The following NIBAN2 variants were observed in gnomAD, a reference collection of about 807,000 sequenced individuals.
NIBAN2 encodes niban apoptosis regulator 2.
NIBAN2 carries 36 observed loss-of-function variants against 81.8 expected under a neutral mutation model. The observed-to-expected ratio is 0.44, with a 90% CI of 0.34 to 0.58. NIBAN2 has a LOEUF of 0.58. Ranked by LOEUF, NIBAN2 falls within the 20% of genes least tolerant of loss-of-function variation. The probability of loss-of-function intolerance (pLI) is 0.02; values close to 1 mark genes in which losing one functional copy is unlikely to be tolerated. For synonymous variants in NIBAN2, 445 were observed against 441.6 expected (o/e 1.01, Z -0.10); for missense variants, 897 against 1,014.1 (o/e 0.88, Z 1.57).
chr9:127,546,830 A>T (rs1212770555), intron 1 of NIBAN2, among the ~76,000 whole-genome samples: 2 of 151,878 alleles, frequency 1.3e-5, no homozygotes, highest in Non-Finnish European at 2.9e-5. Context: ...TGTCAACAAA[A>T]ACTACAATTA....
rs759764034 is a variant in NIBAN2 at position 127,507,018 on chromosome 9, C to T, written c.2068G>A (p.Ala690Thr). The T allele has an allele frequency of 3.8e-6, 6 of 1,592,168 alleles. No individual in the cohort carries two copies. The Admixed American group carries it at 1.0e-4, about 27-fold the overall frequency. ...ESPQPKAAPEASSPPASPLQH... is the reference protein window; with the variant it reads ...ESPQPKAAPETSSPPASPLQH... ...AGGGGTGAGGCAGGCGGCGAGGAGGCCTCGGGGGCGGCCTTAGGCTGGGGA... is the reference window on the plus strand; with the variant it reads ...AGGGGTGAGGCAGGCGGCGAGGAGGTCTCGGGGGCGGCCTTAGGCTGGGGA... Residue 690 changes from alanine to threonine, a missense_variant, in exon 14 of 14, where the codon GCC (alanine) becomes ACC (threonine). Ala to Thr is a moderately conservative substitution (Grantham distance 58). Around this residue, in one of 3 missense-constraint regions of NIBAN2, gnomAD observed 619 missense variants for 691.0 expected, o/e 0.90. Transcript: ENST00000373312. The surrounding 1 kb of genome is among the most constrained non-coding windows in gnomAD (Gnocchi z 6.8).
intron 1 of NIBAN2, among the ~76,000 whole-genome samples, chr9:127,578,388 G>A (rs571330396): frequency 6.3e-5 from 9 of 143,406 alleles, no homozygotes; most frequent in African/African-American, 7.8e-5. Flanking sequence ...GTGGCCAGGC[G>A]CCATGGCTTA....
chr9:127,522,885 C>CCACCCAG (rs1046669804), intron 5 of NIBAN2, among the ~76,000 whole-genome samples: 11 of 151,976 alleles, frequency 7.2e-5, no homozygotes, highest in Non-Finnish European at 1.3e-4. Context: ...CAGGTTGGCT[C>CCACCCAG]CACCCAGCAC....
At chr9:127,522,878 G>A (rs1327888695) in intron 5 of NIBAN2, among the ~76,000 whole-genome samples, 5 of 151,832 alleles carry the variant, frequency 3.3e-5, no homozygotes, top group African/African-American at 1.2e-4. Context: ...AGGCTCCCAG[G>A]TTGGCTCCAC....
intron 1 of NIBAN2, among the ~76,000 whole-genome samples, chr9:127,553,424 G>C (rs943308990): frequency 1.3e-5 from 2 of 152,210 alleles, no homozygotes; most frequent in South Asian, 4.1e-4. Flanking sequence ...TCCCTGGCTG[G>C]GGACTGAACC....
chr9:127,508,564 A>C lies in NIBAN2; in HGVS notation c.1318-26T>G, dbSNP rs1395826816. 3 of 1,589,932 alleles carry C rather than the reference A, an allele frequency of 1.9e-6. No homozygotes were observed. Among genetic ancestry groups the C allele is most frequent in the Non-Finnish European group, 2.6e-6 (3 of 1,159,358 alleles). On this transcript the variant is annotated intron_variant, in intron 10 of 13. Coordinates refer to ENST00000373312, the MANE Select transcript of NIBAN2 (RefSeq NM_022833.4). This position sits in a 1 kb window ranked among gnomAD's most constrained non-coding sequence, Gnocchi z 6.4. Reference sequence around the variant, plus strand: ...CTGCAGGGCATACCGCGGACATGTGAAGCCCCCAGGGTGACCACAGCCCCT... The same window carrying C: ...CTGCAGGGCATACCGCGGACATGTGCAGCCCCCAGGGTGACCACAGCCCCT...
At chr9:127,542,109 C>T (rs574449388) in intron 1 of NIBAN2, among the ~76,000 whole-genome samples, 3 of 152,334 alleles carry the variant, frequency 2.0e-5, no homozygotes, top group East Asian at 1.9e-4. Context: ...AGTTGCCCAA[C>T]GTTTCCTGGC....
rs1240379005 is a variant in NIBAN2, at chr9:127,545,893, T to TGGCAGCGGCCCCAGCCC, written c.56-14132_56-14116dup. Among the ~76,000 whole-genome samples, 1 of 151,636 alleles carries TGGCAGCGGCCCCAGCCC rather than the reference T, an allele frequency of 6.6e-6. No individual in the cohort carries two copies. Among genetic ancestry groups the TGGCAGCGGCCCCAGCCC allele is most frequent in the Non-Finnish European group, 1.5e-5 (1 of 67,890 alleles). On this transcript the variant is annotated intron_variant, in intron 1 of 13. Coordinates refer to ENST00000373312, the MANE Select transcript of NIBAN2 (RefSeq NM_022833.4). The surrounding 1 kb of genome is among the most constrained non-coding windows in gnomAD (Gnocchi z 4.7). ...CCTCCTGCCCCCCACCCCGCCTGCCTGGCAGCGGCCCCAGCCCACAGCCCA... is the reference window on the plus strand; with the variant it reads ...CCTCCTGCCCCCCACCCCGCCTGCCTGGCAGCGGCCCCAGCCCGGCAGCGGCCCCAGCCCACAGCCCA...
At chr9:127,548,788 C>G (rs754708935) in intron 1 of NIBAN2, among the ~76,000 whole-genome samples, 2 of 152,156 alleles carry the variant, frequency 1.3e-5, no homozygotes, top group African/African-American at 4.8e-5. Context: ...GTTCCTCTCC[C>G]CAAACCTTAG....
At chr9:127,569,132 C>T, upstream of NIBAN2, 1 of 966,440 alleles carries the variant, frequency 1.0e-6, no homozygotes, top group Non-Finnish European at 1.2e-6. Context: ...CACCAGACCA[C>T]GCCCCCGCAG....
chr9:127,514,339 G>T (rs1554765337), intron 8 of NIBAN2, among the ~76,000 whole-genome samples: 1 of 151,806 alleles, frequency 6.6e-6, no homozygotes, highest in Non-Finnish European at 1.5e-5. Flanking sequence ...ATGCTTGAGG[G>T]GATAGATACC....
Position 127,531,908 on chromosome 9 carries a change from C to A in NIBAN2, c.56-130G>T. 6 of 1,213,800 alleles carry A rather than the reference C, an allele frequency of 4.9e-6. No individual in the cohort carries two copies. In the Middle Eastern group the frequency reaches 8.0e-4, roughly 161 times the overall value. The allele number at this position is 1,213,800 out of a possible 1,614,324, so 75.2% of individuals were successfully genotyped here. A position where few individuals can be genotyped will look rare whatever the true frequency, so the allele number is the denominator to read the frequency against. On this transcript the variant is annotated intron_variant, in intron 1 of 13. Transcript: ENST00000373312. ...TGGAATTGTTTGCACAGGCTCCTCG[C>A]GCTCATCTGCGCTGCATTTCTGGCC... is the stretch of plus-strand genomic sequence containing the variant.
At position 127,559,330 on chromosome 9, in the gene NIBAN2, A is replaced by G. The variant is rs534046907; in HGVS notation, c.55+9490T>C. On this transcript the variant is annotated intron_variant, in intron 1 of 13. Transcript: ENST00000373312. This position sits in a 1 kb window ranked among gnomAD's most constrained non-coding sequence, Gnocchi z 4.0. ...CTGCTCTGTGCCTTCAGTGCAGCCT[A>G]AGGCCCACAGGTTCCTAAGGGGTCA... Among the ~76,000 whole-genome samples, 2 of 152,308 alleles carry G rather than the reference A, an allele frequency of 1.3e-5. No individual in the cohort carries two copies. Among genetic ancestry groups the G allele is most frequent in the South Asian group, 2.1e-4 (1 of 4,818 alleles).
chr9:127,546,360 C>T (rs1288380020), intron 1 of NIBAN2, among the ~76,000 whole-genome samples: 1 of 152,168 alleles, frequency 6.6e-6, no homozygotes, highest in African/African-American at 2.4e-5. Flanking sequence ...ACGTCCAGGG[C>T]CGAGGCTGGA....
chr9:127,519,907 G>A (rs1373399901), intron 5 of NIBAN2, among the ~76,000 whole-genome samples: 1 of 152,224 alleles, frequency 6.6e-6, no homozygotes, highest in Non-Finnish European at 1.5e-5. Context: ...TGCGTTACCT[G>A]CAGGCACTCC....
Position 127,507,720 on chromosome 9 carries a change from C to T in NIBAN2, c.1654+147G>A. The T allele has an allele frequency of 1.3e-6, 1 of 762,154 alleles. No homozygotes were observed. 47.2% of individuals were successfully genotyped at this position (762,154 alleles called of 1,614,324 possible). A position where few individuals can be genotyped will look rare whatever the true frequency, so the allele number is the denominator to read the frequency against. On this transcript the variant is annotated intron_variant, in intron 13 of 13. Transcript: ENST00000373312. This position sits in a 1 kb window ranked among gnomAD's most constrained non-coding sequence, Gnocchi z 6.8. Reference sequence around the variant, plus strand: ...AAGGCTAAGGCTGCTCCGGAGGCCACACAGCGAAGAGTGGGCTTCACCCAG... The same window carrying T: ...AAGGCTAAGGCTGCTCCGGAGGCCATACAGCGAAGAGTGGGCTTCACCCAG...
intron 1 of NIBAN2, among the ~76,000 whole-genome samples, chr9:127,555,539 C>T (rs758017486): frequency 2.6e-5 from 4 of 152,176 alleles, no homozygotes; most frequent in South Asian, 2.1e-4. Flanking sequence ...TAGTGGGGAG[C>T]GGCAGCTCAC....
chr9:127,523,223 AT>A, intron 5 of NIBAN2, among the ~76,000 whole-genome samples: 1 of 68,570 alleles, frequency 1.5e-5, no homozygotes, highest in Admixed American at 1.6e-4. Context: ...ATATATATAT[AT>A]ATATATATAT....
At chr9:127,519,175 A>C (rs1211457002) in intron 5 of NIBAN2, among the ~76,000 whole-genome samples, 1 of 77,684 alleles carries the variant, frequency 1.3e-5, no homozygotes, top group Non-Finnish European at 2.6e-5. Context: ...ACTCTGTCTC[A>C]AAAAAAAAAA....
Sources: allele counts gnomAD v4.1 joint callset (sites outside exome capture counted in the v4.1 genomes callset), GRCh38; gene constraint gnomAD v4.1.1; regional missense constraint gnomAD v4.1.1; non-coding constraint Gnocchi (gnomAD v3.1); transcripts MANE v1.5; gene names NCBI Gene and HGNC (gene_info 2026-07-23, HGNC 2026-07-21).